GARIN5A: variants seen among roughly 807,000 people sequenced by gnomAD.
GARIN5A encodes golgi associated RAB2 interactor 5A, also known as Golgi-associated RAB2 interactor protein 5A.
chr19:50,467,582 C>A, the GARIN5A span: 5 of 1,545,962 alleles, frequency 3.2e-6, no homozygotes, highest in South Asian at 6.0e-5. Context: ...TGGGCCTCCA[C>A]CTCATCATCA....
the GARIN5A span, chr19:50,475,278 C>A: frequency 6.5e-7 from 1 of 1,530,164 alleles, no homozygotes; most frequent in South Asian, 1.2e-5. Context: ...GCTCAGGTGC[C>A]TGGAGCTGAG....
chr19:50,467,545 C>G, the GARIN5A span: 40 of 1,506,354 alleles, frequency 2.7e-5, no homozygotes, highest in East Asian at 4.2e-4. Context: ...GCGCTTCCCC[C>G]CTCTCCTCAC....
At chr19:50,475,993 C>T in the GARIN5A span, 6 of 1,603,426 alleles carry the variant, frequency 3.7e-6, no homozygotes, top group Non-Finnish European at 5.1e-6. Flanking sequence ...GGAGGCTGTG[C>T]CTGGCTTCCC....
the GARIN5A span, among the ~76,000 whole-genome samples, chr19:50,473,518 T>C: frequency 6.6e-6 from 1 of 152,134 alleles, no homozygotes; most frequent in East Asian, 1.9e-4. Flanking sequence ...CATACCTGGC[T>C]AGCTTTGTAA....
At chr19:50,472,243 T>TATATG in the GARIN5A span, among the ~76,000 whole-genome samples, 1,241 of 133,888 alleles carry the variant, frequency 9.3e-3, 42 homozygotes, top group African/African-American at 0.034. Flanking sequence ...TATGTGTGTA[T>TATATG]TATATATACA....
the GARIN5A span, chr19:50,476,061 T>C: frequency 1.2e-6 from 2 of 1,607,866 alleles, no homozygotes; most frequent in Non-Finnish European, 1.7e-6. Flanking sequence ...TGCCCCCGAA[T>C]TGCCGGCCCC....
chr19:50,472,132 GTATA>G, the GARIN5A span, among the ~76,000 whole-genome samples: 2 of 137,178 alleles, frequency 1.5e-5, no homozygotes, highest in Non-Finnish European at 3.1e-5. Flanking sequence ...ATATACGTGT[GTATA>G]TGTATGTATA....
At chr19:50,471,607 TATGTGTGTATATATATGTGTGTATAC>T in the GARIN5A span, among the ~76,000 whole-genome samples, 3 of 152,008 alleles carry the variant, frequency 2.0e-5, no homozygotes, top group African/African-American at 7.3e-5. Flanking sequence ...GATCCATATA[TATGTGTGTATATATATGTGTGTATAC>T]ATGTGTGTAT....
At chr19:50,475,574 G>T in the GARIN5A span, 1 of 962,808 alleles carries the variant, frequency 1.0e-6, no homozygotes, top group Non-Finnish European at 1.5e-6. Context: ...TGAAAATCAG[G>T]CTGGGGGCCA....
chr19:50,473,677 G>A, the GARIN5A span, among the ~76,000 whole-genome samples: 1 of 151,882 alleles, frequency 6.6e-6, no homozygotes, highest in African/African-American at 2.4e-5. Flanking sequence ...TTCATGAACT[G>A]TGAGATGTGG....
At chr19:50,467,003 G>A in the GARIN5A span, 1 of 152,562 alleles carries the variant, frequency 6.6e-6, no homozygotes, top group Non-Finnish European at 1.5e-5. Flanking sequence ...CAGTTAGGGA[G>A]TGAGGGGGCG....
the GARIN5A span, chr19:50,467,622 C>T: frequency 1.3e-6 from 2 of 1,556,978 alleles, no homozygotes; most frequent in Non-Finnish European, 1.7e-6. Context: ...CCTCCAGCAC[C>T]TCTTACTCCT....
At chr19:50,469,002 T>C in the GARIN5A span, among the ~76,000 whole-genome samples, 1 of 152,088 alleles carries the variant, frequency 6.6e-6, no homozygotes, top group Non-Finnish European at 1.5e-5. Context: ...TACAGTCTGT[T>C]CCCCACAAGT....
At chr19:50,474,214 C>G in the GARIN5A span, among the ~76,000 whole-genome samples, 1 of 150,470 alleles carries the variant, frequency 6.6e-6, no homozygotes. Context: ...CTCACTCATT[C>G]TGTTACCCAG....
chr19:50,476,565 G>A, the GARIN5A span: 10 of 1,575,066 alleles, frequency 6.3e-6, no homozygotes, highest in Non-Finnish European at 8.6e-6. Flanking sequence ...CCAGCGCTGG[G>A]GCAACCCGGC....
At chr19:50,474,625 G>C in the GARIN5A span, among the ~76,000 whole-genome samples, 1 of 152,012 alleles carries the variant, frequency 6.6e-6, no homozygotes, top group Non-Finnish European at 1.5e-5. Flanking sequence ...GATTACAAGC[G>C]TGAGCCACCG....
chr19:50,473,115 T>C, the GARIN5A span, among the ~76,000 whole-genome samples: 2 of 152,208 alleles, frequency 1.3e-5, no homozygotes, highest in African/African-American at 2.4e-5. Context: ...GGTTTTTAAC[T>C]TAGGCAGGGG....
At chr19:50,476,541 C>T in the GARIN5A span, 2 of 1,571,914 alleles carry the variant, frequency 1.3e-6, no homozygotes, top group East Asian at 2.3e-5. Context: ...GGGAAGAAGC[C>T]GAGATGGCGG....
chr19:50,476,449 G>C, the GARIN5A span: 1 of 1,560,258 alleles, frequency 6.4e-7, no homozygotes, highest in Non-Finnish European at 8.6e-7. Context: ...GGGGCCCAGC[G>C]CAGGCGCACG....
Sources: gnomAD v4.1 joint callset for allele counts (sites outside exome capture counted in the v4.1 genomes callset) on GRCh38, gnomAD v4.1.1 for gene constraint, MANE v1.5 for transcripts, NCBI Gene and HGNC (gene_info 2026-07-23, HGNC 2026-07-21) for gene names.